The following PLCH2 variants were observed in gnomAD, a reference collection of about 807,000 sequenced individuals.
The protein encoded by PLCH2 is 1-phosphatidylinositol 4,5-bisphosphate phosphodiesterase eta-2.
Under a neutral mutation model 134.7 loss-of-function variants are expected in PLCH2, and 98 were observed. That is an observed-to-expected ratio of 0.73 (90% confidence interval 0.62 to 0.86). The LOEUF is 0.86. PLCH2 is among the 40% of genes least tolerant of loss of function. The probability of loss-of-function intolerance (pLI) is 0.00; values close to 1 mark genes in which losing one functional copy is unlikely to be tolerated. For synonymous variants in PLCH2, 974 were observed against 827.5 expected (o/e 1.18, Z -3.04); for missense variants, 1,994 against 1,986.6 (o/e 1.00, Z -0.07).
rs191498401 is a variant in PLCH2 at position 2,432,854 on chromosome 1, G to C, written c.115+2225G>C. Reference sequence around the variant, plus strand: ...GGGGCTGTCACAGGAGCTGCCCCTGGGAGGCGCCTGGAGGTCTTTCCCGTC... The same window carrying C: ...GGGGCTGTCACAGGAGCTGCCCCTGCGAGGCGCCTGGAGGTCTTTCCCGTC... On this transcript the variant is annotated intron_variant, in intron 2 of 3. Coordinates refer to the PLCH2 transcript ENST00000609981. Among the ~76,000 whole-genome samples, 124 of 152,296 alleles carry C rather than the reference G, an allele frequency of 8.1e-4. 6 individuals are homozygous for C. The East Asian group carries it at 0.019, about 24-fold the overall frequency.
chr1:2,460,604 T>G (rs1321530214), intron 2 of PLCH2, among the ~76,000 whole-genome samples: 1 of 152,184 alleles, frequency 6.6e-6, no homozygotes, highest in Non-Finnish European at 1.5e-5. Flanking sequence ...TTTTCATATT[T>G]TTAACGATGC....
chr1:2,503,860 G>A, intron 21 of PLCH2, 62 bp from the exon 22 acceptor site: 1 of 660,182 alleles, frequency 1.5e-6, no homozygotes, highest in Non-Finnish European at 2.8e-6. Flanking sequence ...CTCTCTCCCT[G>A]CCTCCCTCTC....
chr1:2,476,043 T>C (rs1641597192), upstream of PLCH2, among the ~76,000 whole-genome samples: 1 of 152,192 alleles, frequency 6.6e-6, no homozygotes, highest in African/African-American at 2.4e-5. Flanking sequence ...CACAGGGTCC[T>C]CGGAGGACAG....
chr1:2,449,969 G>A (rs1221988164), intron 2 of PLCH2, among the ~76,000 whole-genome samples: 1 of 152,232 alleles, frequency 6.6e-6, no homozygotes, highest in Non-Finnish European at 1.5e-5. Context: ...GCCTCGGACT[G>A]GGCTGCCGCC....
intron 2 of PLCH2, among the ~76,000 whole-genome samples, chr1:2,457,493 C>T (rs918652393): frequency 2.0e-5 from 3 of 152,178 alleles, no homozygotes; most frequent in African/African-American, 7.2e-5. Flanking sequence ...GTCTCCTGGC[C>T]TTCCTCCCGG....
rs900711198 is a variant in PLCH2 at position 2,478,508 on chromosome 1, A to G, written c.157A>G (p.Met53Val). 3.1e-6 allele frequency: 5 copies of G among 1,612,732 alleles called. No individual in the cohort carries two copies. The Admixed American group carries it at 5.0e-5, about 16-fold the overall frequency. The part of the protein sequence containing the change: ...ERCMGAMQEG[M>V]QMVKLRGGSK... Reference sequence around the variant, plus strand: ...GTGCATGGGTGCCATGCAAGAGGGGATGCAGATGGTGAAGCTGCGTGGCGG... The same window carrying G: ...GTGCATGGGTGCCATGCAAGAGGGGGTGCAGATGGTGAAGCTGCGTGGCGG... The change falls in exon 2 of 22, where the codon ATG (methionine) becomes GTG (valine). Residue 53 changes from methionine (M) to valine (V), a missense_variant. This residue lies in a region of PLCH2 where 1,094 missense variants were observed against 1,234.3 expected (regional missense o/e 0.89). Coordinates refer to ENST00000378486, the MANE Select transcript of PLCH2 (RefSeq NM_014638.4).
chr1:2,503,132 G>T, intron 21 of PLCH2: 1 of 667,558 alleles, frequency 1.5e-6, no homozygotes. Context: ...CTTGGGTGGA[G>T]CTGGTTTGAG....
intron 1 of PLCH2, among the ~76,000 whole-genome samples, chr1:2,426,451 G>T (rs895548259): frequency 6.6e-6 from 1 of 152,256 alleles, no homozygotes; most frequent in African/African-American, 2.4e-5. Flanking sequence ...GTTCGGGGCT[G>T]CCGTGAGCAG....
rs1033120673 is a variant in PLCH2, at chr1:2,503,383, C to A, written c.2960-539C>A. 4.8e-5 allele frequency: 28 copies of A among 586,262 alleles called. No homozygotes were observed. The African/African-American group carries it at 5.2e-4, about 11-fold the overall frequency. 36.3% of individuals were successfully genotyped at this position (586,262 alleles called of 1,614,324 possible). ...GGAAGTCTGATGTGGGCAGGTAGTG[C>A]AGCTGCTGGGCGTCTCCTGCGCCCC... is the stretch of plus-strand genomic sequence containing the variant. On this transcript the variant is annotated intron_variant, in intron 21 of 21. Transcript: ENST00000378486.
chr1:2,457,922 C>T (rs1570324878), intron 2 of PLCH2, among the ~76,000 whole-genome samples: 2 of 150,970 alleles, frequency 1.3e-5, no homozygotes, highest in Middle Eastern at 7.0e-3. Flanking sequence ...GCACTGATGG[C>T]CACCCGGCCC....
upstream of PLCH2, among the ~76,000 whole-genome samples, chr1:2,464,885 A>G (rs1236658945): frequency 6.6e-6 from 1 of 152,154 alleles, no homozygotes; most frequent in Non-Finnish European, 1.5e-5. Context: ...GCCAGCTCTC[A>G]GTCAACTCAC....
At position 2,486,920 on chromosome 1, in the gene PLCH2, C is replaced by A; in HGVS notation, c.830C>A (p.Thr277Asn). The A allele has an allele frequency of 6.2e-7, 1 of 1,605,960 alleles. No homozygotes were observed. Among genetic ancestry groups the A allele is most frequent in the Non-Finnish European group, 8.5e-7 (1 of 1,176,534 alleles). The change falls in exon 6 of 22, where the codon ACC (threonine) becomes AAC (asparagine). Residue 277 changes from threonine (T) to asparagine (N), a missense_variant. Physicochemically the swap from Thr to Asn is moderately conservative, Grantham distance 65. Coordinates refer to ENST00000378486, the MANE Select transcript of PLCH2 (RefSeq NM_014638.4). ...LQVEQKMAGV[T>N]LESCQDIIEQ... Reference sequence around the variant, plus strand: ...GCTCTGGCCTAGATGGCGGGTGTGACCCTCGAGAGCTGCCAGGACATCATC... The same window carrying A: ...GCTCTGGCCTAGATGGCGGGTGTGAACCTCGAGAGCTGCCAGGACATCATC...
chr1:2,429,812 G>A (rs1298969532), intron 1 of PLCH2, among the ~76,000 whole-genome samples: 2 of 152,172 alleles, frequency 1.3e-5, no homozygotes, highest in African/African-American at 4.8e-5. Flanking sequence ...GGGCCGTGGG[G>A]GCCCCTTGTG....
chr1:2,427,811 C>G (rs948709801), intron 1 of PLCH2, among the ~76,000 whole-genome samples: 1 of 151,990 alleles, frequency 6.6e-6, no homozygotes, highest in Non-Finnish European at 1.5e-5. Flanking sequence ...GGGAGCCCTC[C>G]GGGGGTGGGA....
chr1:2,494,345 G>A (rs1435791625), intron 11 of PLCH2: 1 of 176,396 alleles, frequency 5.7e-6, no homozygotes, highest in Non-Finnish European at 1.2e-5. Context: ...GGTTTCCTGG[G>A]GTTCCCCAGC....
At chr1:2,461,304 C>T (rs2100588265) in intron 2 of PLCH2, among the ~76,000 whole-genome samples, 1 of 152,328 alleles carries the variant, frequency 6.6e-6, no homozygotes, top group African/African-American at 2.4e-5. Flanking sequence ...GGGCTGGACA[C>T]CTGACCCACC....
chr1:2,491,110 T>G, intron 10 of PLCH2, 82 bp from the exon 11 acceptor site: 5 of 1,354,676 alleles, frequency 3.7e-6, no homozygotes, highest in Admixed American at 2.1e-5. Flanking sequence ...GTGGGCAGAG[T>G]GCTGTGACCC....
chr1:2,498,886 G>A lies in PLCH2; in HGVS notation c.2434+58G>A. 2 of 1,439,528 alleles carry A rather than the reference G, an allele frequency of 1.4e-6. No individual in the cohort carries two copies. Among genetic ancestry groups the A allele is most frequent in the Admixed American group, 1.9e-5 (1 of 53,216 alleles). The allele number at this position is 1,439,528 out of a possible 1,614,324, so 89.2% of individuals were successfully genotyped here. A position where few individuals can be genotyped will look rare whatever the true frequency, so the allele number is the denominator to read the frequency against. On this transcript the variant is annotated intron_variant, in intron 18 of 21. Coordinates refer to ENST00000378486, the MANE Select transcript of PLCH2 (RefSeq NM_014638.4). This position sits in a 1 kb window ranked among gnomAD's most constrained non-coding sequence, Gnocchi z 5.4. ...GATGGAAGTCTGAGGGGGGAGGGTT[G>A]GGGCTACCTGGTGTGCCCGGGTGCC... is the stretch of plus-strand genomic sequence containing the variant.
chr1:2,428,220 G>A (rs889465532), intron 1 of PLCH2, among the ~76,000 whole-genome samples: 1 of 152,220 alleles, frequency 6.6e-6, no homozygotes, highest in Non-Finnish European at 1.5e-5. Context: ...GCCTGGCACC[G>A]GCAATGTCCC....
Sources: gnomAD v4.1 joint callset for allele counts (sites outside exome capture counted in the v4.1 genomes callset) on GRCh38, gnomAD v4.1.1 for gene constraint, gnomAD v4.1.1 regional missense constraint, Gnocchi (gnomAD v3.1) non-coding constraint, MANE v1.5 for transcripts, NCBI Gene and HGNC (gene_info 2026-07-23, HGNC 2026-07-21) for gene names.